HDAC9: variants seen among roughly 807,000 people sequenced by gnomAD.
HDAC9 encodes the protein MEF-2 interacting transcription repressor (MITR) protein.
Under a neutral mutation model 139.4 loss-of-function variants are expected in HDAC9, and 41 were observed. That is an observed-to-expected ratio of 0.29 (90% CI 0.23 to 0.38). The LOEUF (loss-of-function observed/expected upper bound fraction) is 0.38, where lower values mean the gene tolerates loss of function less well. Ranked by LOEUF, HDAC9 falls within the 10% of genes least tolerant of loss-of-function variation. The pLI, the probability that HDAC9 is intolerant of heterozygous loss-of-function variation, is 1.00. For missense variants in HDAC9, 1,147 were observed against 1,297.0 expected (o/e 0.88, Z 1.78); for synonymous variants, 517 against 476.2 (o/e 1.09, Z -1.12).
chr7:18,500,684 G>A (rs541583038), intron 2 of HDAC9, among the ~76,000 whole-genome samples: 33 of 152,186 alleles, frequency 2.2e-4, no homozygotes, highest in South Asian at 6.2e-4. Flanking sequence ...TACTAAATTG[G>A]GAGAAAGATC....
chr7:18,562,124 A>G (rs1563286975), intron 2 of HDAC9, among the ~76,000 whole-genome samples: 1 of 152,094 alleles, frequency 6.6e-6, no homozygotes, highest in Non-Finnish European at 1.5e-5. Flanking sequence ...GGCTATTTGT[A>G]TATCTTCTCT....
chr7:18,104,795 AT>A (rs1783096636), intron 1 of HDAC9, among the ~76,000 whole-genome samples: 1 of 152,046 alleles, frequency 6.6e-6, no homozygotes, highest in Non-Finnish European at 1.5e-5. Flanking sequence ...TGTAAGGGAG[AT>A]CACAAATTGG....
chr7:18,276,871 T>C (rs978347894), intron 2 of HDAC9, among the ~76,000 whole-genome samples: 8 of 152,218 alleles, frequency 5.3e-5, no homozygotes, highest in African/African-American at 1.9e-4. Context: ...GTATTCATAG[T>C]TGACAGTGAC....
intron 1 of HDAC9, among the ~76,000 whole-genome samples, chr7:18,100,843 A>G (rs1462266173): frequency 1.3e-5 from 2 of 152,080 alleles, no homozygotes; most frequent in African/African-American, 4.8e-5. Flanking sequence ...GGATATTTTT[A>G]TATTCCTATA....
chr7:18,689,090 GACTT>G (rs1038928159), intron 12 of HDAC9, among the ~76,000 whole-genome samples: 4 of 151,920 alleles, frequency 2.6e-5, no homozygotes, highest in African/African-American at 9.7e-5. Flanking sequence ...AGTTTACAAA[GACTT>G]ACGTTGAAAA....
chr7:18,283,181 C>T (rs1797214428), intron 2 of HDAC9, among the ~76,000 whole-genome samples: 1 of 152,008 alleles, frequency 6.6e-6, no homozygotes, highest in African/African-American at 2.4e-5. Context: ...GACTGGGAGG[C>T]CTCAGGAAAC....
At chr7:18,166,047 G>T (rs1787990839) in intron 2 of HDAC9, among the ~76,000 whole-genome samples, 1 of 152,230 alleles carries the variant, frequency 6.6e-6, no homozygotes, top group South Asian at 2.1e-4. Context: ...CAGCCTGAAC[G>T]TTTTTAAATA....
At chr7:18,332,390 TGTGA>T (rs761755420) in intron 1 of HDAC9, among the ~76,000 whole-genome samples, 95 of 120,202 alleles carry the variant, frequency 7.9e-4, no homozygotes, top group African/African-American at 1.3e-3. Flanking sequence ...TGTGTGTGTG[TGTGA>T]GAGAGAGAGA....
At chr7:18,369,941 G>A (rs562535850) in intron 1 of HDAC9, among the ~76,000 whole-genome samples, 3 of 152,200 alleles carry the variant, frequency 2.0e-5, no homozygotes, top group African/African-American at 7.2e-5. Flanking sequence ...CTCATCACCT[G>A]CCAATGCAAT....
At chr7:18,189,445 A>G (rs1333140558) in intron 2 of HDAC9, among the ~76,000 whole-genome samples, 1 of 151,998 alleles carries the variant, frequency 6.6e-6, no homozygotes, top group Non-Finnish European at 1.5e-5. Flanking sequence ...CATTCTGTAC[A>G]TGTATCCTGT....
intron 1 of HDAC9, among the ~76,000 whole-genome samples, chr7:18,118,016 C>G (rs1258365779): frequency 6.6e-6 from 1 of 152,186 alleles, no homozygotes; most frequent in East Asian, 1.9e-4. Context: ...CTCTCTGAGT[C>G]TCATTTGCCT....
At chr7:18,501,544 A>T (rs1337134874) in intron 2 of HDAC9, among the ~76,000 whole-genome samples, 1 of 152,196 alleles carries the variant, frequency 6.6e-6, no homozygotes, top group African/African-American at 2.4e-5. Context: ...AATTCAGTTA[A>T]GTTTAAATTT....
chr7:18,482,411 A>AAAAAAAAAAAAAAAAAAAAAAAG (rs1795635552), intron 1 of HDAC9, among the ~76,000 whole-genome samples: 1 of 137,262 alleles, frequency 7.3e-6, no homozygotes. Context: ...AAAAAAAAAA[A>AAAAAAAAAAAAAAAAAAAAAAAG]AAAAAATTCT....
At chr7:18,340,810 G>A (rs1199063903) in intron 1 of HDAC9, among the ~76,000 whole-genome samples, 1 of 151,450 alleles carries the variant, frequency 6.6e-6, no homozygotes, top group Middle Eastern at 3.4e-3. Flanking sequence ...ACCTTCTCCT[G>A]TGCCTTTTAT....
intron 21 of HDAC9, among the ~76,000 whole-genome samples, chr7:18,837,238 T>C (rs1462043308): frequency 6.6e-6 from 1 of 151,930 alleles, no homozygotes; most frequent in African/African-American, 2.4e-5. Context: ...ATCCACAATG[T>C]TGTAGAAAAA....
chr7:18,947,411 G>C (rs530245243), intron 23 of HDAC9, among the ~76,000 whole-genome samples: 1 of 151,866 alleles, frequency 6.6e-6, no homozygotes, highest in African/African-American at 2.4e-5. Context: ...AAGAAAAGGA[G>C]ACTTCACTAC....
intron 1 of HDAC9, among the ~76,000 whole-genome samples, chr7:18,411,234 G>A (rs1291442647): frequency 6.6e-6 from 1 of 152,152 alleles, no homozygotes; most frequent in Non-Finnish European, 1.5e-5. Context: ...AGTCCCCGAT[G>A]TTTGATGGTT....
chr7:18,927,257 G>T lies in HDAC9; in HGVS notation c.2804-8552G>T, dbSNP rs923792760. 2.0e-5 allele frequency among the ~76,000 whole-genome samples: 3 copies of T among 152,242 alleles called. No homozygotes were observed. The South Asian group carries it at 6.2e-4, about 32-fold the overall frequency. ...CAACATCATCAGGAATGAATCACAA[G>T]TGCCTACCATATGAATTACAGCACC... is the stretch of plus-strand genomic sequence containing the variant. On this transcript the variant is annotated intron_variant, in intron 22 of 25. Coordinates refer to ENST00000686413, the MANE Select transcript of HDAC9 (RefSeq NM_178425.4).
chr7:18,844,978 C>T (rs896733723), intron 21 of HDAC9, among the ~76,000 whole-genome samples: 1 of 152,100 alleles, frequency 6.6e-6, no homozygotes, highest in Non-Finnish European at 1.5e-5. Context: ...GTAAATATGA[C>T]ACCGTCGTAG....
Sources: allele counts gnomAD v4.1 joint callset (sites outside exome capture counted in the v4.1 genomes callset), GRCh38; gene constraint gnomAD v4.1.1; transcripts MANE v1.5; gene names NCBI Gene and HGNC (gene_info 2026-07-23, HGNC 2026-07-21).